IGFBP7: variants seen among roughly 807,000 people sequenced by gnomAD.
IGFBP7 encodes insulin-like growth factor-binding protein 7.
Under a neutral mutation model 29.4 loss-of-function variants are expected in IGFBP7, and 31 were observed. The ratio of observed to expected loss-of-function variants is 1.05; its 90% confidence interval spans 0.79 to 1.42. IGFBP7 has a LOEUF of 1.42. Among genes scored for constraint, IGFBP7 ranks in the 40% most tolerant of loss-of-function variants. The pLI, the probability that IGFBP7 is intolerant of heterozygous loss-of-function variation, is 0.00. For synonymous variants in IGFBP7, 172 were observed against 174.9 expected (o/e 0.98, Z 0.13); for missense variants, 393 against 395.5 (o/e 0.99, Z 0.05).
rs555436164 is a variant in IGFBP7, at chr4:57,033,417, CAG to C, written c.586-108_586-107del. 57 of 795,124 alleles carry C rather than the reference CAG, an allele frequency of 7.2e-5. No individual in the cohort carries two copies. The African/African-American group carries it at 8.9e-4, about 12-fold the overall frequency. 49.3% of individuals were successfully genotyped at this position (795,124 alleles called of 1,614,324 possible). A position where few individuals can be genotyped will look rare whatever the true frequency, so the allele number is the denominator to read the frequency against. ...ACATAGTGTATGTCAGACTTTCTAA[CAG>C]AGTAAACCCAGCATTTCACTGAACT... On this transcript the variant is annotated intron_variant, in intron 2 of 4. Transcript: ENST00000295666.
intron 1 of IGFBP7, among the ~76,000 whole-genome samples, chr4:57,082,890 A>G (rs572651639): frequency 6.6e-6 from 1 of 152,252 alleles, no homozygotes; most frequent in Admixed American, 6.5e-5. Context: ...AAGCTTCCTG[A>G]GTAGCTGGGT....
chr4:57,083,245 T>G (rs765543359), intron 1 of IGFBP7, among the ~76,000 whole-genome samples: 7 of 152,182 alleles, frequency 4.6e-5, no homozygotes, highest in Non-Finnish European at 1.0e-4. Context: ...TTGAAAAGCT[T>G]GTTAGGAATT....
Position 57,039,065 on chromosome 4 carries a change from CAAA to C in IGFBP7, c.585+1756_585+1758del, listed in dbSNP as rs71208974. On this transcript the variant is annotated intron_variant, in intron 2 of 4. Transcript: ENST00000295666. ...GGGCAATAAGAGTGAAACTATGTCT[CAAA>C]AAAAAAAAAAAAAAAAAAAAGACAA... Among the ~76,000 whole-genome samples, 730 of 106,422 alleles carry C rather than the reference CAAA, an allele frequency of 6.9e-3. 2 individuals are homozygous for C. Among genetic ancestry groups the C allele is most frequent in the African/African-American group, 0.024 (663 of 27,388 alleles). The allele number at this position is 106,422 out of a possible 152,430, so 69.8% of individuals were successfully genotyped here.
intron 1 of IGFBP7, among the ~76,000 whole-genome samples, chr4:57,081,063 T>G (rs570644226): frequency 1.3e-5 from 2 of 152,296 alleles, no homozygotes; most frequent in African/African-American, 4.8e-5. Flanking sequence ...ACCCATTTCC[T>G]CTATGGAGCT....
intron 1 of IGFBP7, among the ~76,000 whole-genome samples, chr4:57,084,822 A>C (rs1725459619): frequency 8.3e-6 from 1 of 121,010 alleles, no homozygotes; most frequent in Non-Finnish European, 1.6e-5. Context: ...ACAAGGTCTC[A>C]CTGTGTTGCC....
At chr4:57,086,152 G>A (rs891206297) in intron 1 of IGFBP7, among the ~76,000 whole-genome samples, 43 of 152,224 alleles carry the variant, frequency 2.8e-4, no homozygotes, top group African/African-American at 3.4e-4. Flanking sequence ...TCAGGCAAGA[G>A]AGCATGCAGA....
At chr4:57,063,381 A>G (rs2109767705) in intron 1 of IGFBP7, among the ~76,000 whole-genome samples, 1 of 152,332 alleles carries the variant, frequency 6.6e-6, no homozygotes, top group South Asian at 2.1e-4. Flanking sequence ...AGGACCAGTC[A>G]ATTGATTCTC....
intron 1 of IGFBP7, among the ~76,000 whole-genome samples, chr4:57,080,222 T>A (rs1620509): frequency 0.51 from 77,401 of 152,016 alleles, 21,007 homozygotes; most frequent in Middle Eastern, 0.63. Context: ...ATTTTCAAAA[T>A]AACATACTTT....
chr4:57,052,707 C>T lies in IGFBP7; in HGVS notation c.476-11774G>A, dbSNP rs149037829. ...GAGCAGACCATTCAATACAATGCTG[C>T]CCTGGTGACCGCGTGCCCAGGTCTT... On this transcript the variant is annotated intron_variant, in intron 1 of 4. Transcript: ENST00000295666. 2.8e-3 allele frequency among the ~76,000 whole-genome samples: 429 copies of T among 152,240 alleles called. 2 individuals carry two copies. The highest frequency in any genetic ancestry group is 9.9e-3 in the African/African-American group (413 of 41,546).
chr4:57,077,591 T>G (rs1213689024), intron 1 of IGFBP7, among the ~76,000 whole-genome samples: 5 of 152,174 alleles, frequency 3.3e-5, no homozygotes, highest in Non-Finnish European at 5.9e-5. Context: ...AGAAGGCATA[T>G]TTTAAAAGGT....
chr4:57,107,323 T>C (rs1726057926), intron 1 of IGFBP7, among the ~76,000 whole-genome samples: 2 of 152,174 alleles, frequency 1.3e-5, no homozygotes, highest in Non-Finnish European at 2.9e-5. Flanking sequence ...TGCCCCTACC[T>C]GGCCCCTACT....
At chr4:57,097,800 T>C (rs1348434776) in intron 1 of IGFBP7, among the ~76,000 whole-genome samples, 6 of 152,122 alleles carry the variant, frequency 3.9e-5, no homozygotes, top group Admixed American at 3.9e-4. Context: ...GACTCCAAAG[T>C]TCATCTCCTT....
intron 1 of IGFBP7, among the ~76,000 whole-genome samples, chr4:57,098,742 T>C (rs997057254): frequency 6.6e-6 from 1 of 152,220 alleles, no homozygotes; most frequent in Admixed American, 6.5e-5. Flanking sequence ...AGAGCACTGC[T>C]GCACAAGCAT....
intron 1 of IGFBP7, among the ~76,000 whole-genome samples, chr4:57,057,463 A>G (rs1009713418): frequency 3.9e-5 from 6 of 152,232 alleles, no homozygotes; most frequent in African/African-American, 1.4e-4. Context: ...GGCCTTGGAG[A>G]TTTTATTCTT....
intron 1 of IGFBP7, among the ~76,000 whole-genome samples, chr4:57,065,293 C>T (rs1481700919): frequency 6.6e-6 from 1 of 152,236 alleles, no homozygotes; most frequent in Non-Finnish European, 1.5e-5. Context: ...CCTGTGTTCT[C>T]TGCCAAGAGA....
intron 1 of IGFBP7, among the ~76,000 whole-genome samples, chr4:57,089,374 T>C (rs1202641225): frequency 6.6e-6 from 1 of 152,202 alleles, no homozygotes; most frequent in African/African-American, 2.4e-5. Flanking sequence ...AACCCTCAAT[T>C]CTGGTAGCCA....
At chr4:57,075,536 T>C (rs1268964566) in intron 1 of IGFBP7, among the ~76,000 whole-genome samples, 1 of 152,134 alleles carries the variant, frequency 6.6e-6, no homozygotes, top group Non-Finnish European at 1.5e-5. Context: ...AACTAGAACA[T>C]TGTCAGATGT....
intron 1 of IGFBP7, among the ~76,000 whole-genome samples, chr4:57,076,682 G>C (rs1725235958): frequency 6.6e-6 from 1 of 152,230 alleles, no homozygotes; most frequent in Admixed American, 6.5e-5. Flanking sequence ...GCTTAAGGAA[G>C]AGAAGCCTGG....
At chr4:57,088,235 C>CA (rs1725544261) in intron 1 of IGFBP7, among the ~76,000 whole-genome samples, 1 of 152,102 alleles carries the variant, frequency 6.6e-6, no homozygotes, top group African/African-American at 2.4e-5. Context: ...CTCAGCCTCC[C>CA]AAAGTATCGG....
Sources: allele counts gnomAD v4.1 joint callset (sites outside exome capture counted in the v4.1 genomes callset), GRCh38; gene constraint gnomAD v4.1.1; transcripts MANE v1.5; gene names NCBI Gene and HGNC (gene_info 2026-07-23, HGNC 2026-07-21).